RHOH: variants seen among roughly 807,000 people sequenced by gnomAD.
RHOH encodes ras homolog family member H.
In RHOH, 6 loss-of-function variants were observed where a neutral mutation model predicts 13.8. The ratio of observed to expected loss-of-function variants is 0.44; its 90% confidence interval spans 0.24 to 0.86. The LOEUF is 0.86. Ranked by LOEUF, RHOH falls within the 40% of genes least tolerant of loss-of-function variation. The probability of loss-of-function intolerance (pLI) is 0.24; values close to 1 mark genes in which losing one functional copy is unlikely to be tolerated. For synonymous variants in RHOH, 117 were observed against 103.0 expected (o/e 1.14, Z -0.82); for missense variants, 147 against 244.5 (o/e 0.60, Z 2.66).
Position 40,218,533 on chromosome 4 carries a change from G to A in RHOH, c.-331+21233G>A, listed in dbSNP as rs896601825. ...GCATGCCAAAAAATGCAGGGCCAAG[G>A]CTGGGGGTGGAGAGGTAAGGCTAGG... On this transcript the variant is annotated intron_variant, in intron 1 of 2. Coordinates refer to ENST00000381799, the MANE Select transcript of RHOH (RefSeq NM_004310.5). The surrounding 1 kb of genome is among the most constrained non-coding windows in gnomAD (Gnocchi z 4.1). 1.3e-5 allele frequency among the ~76,000 whole-genome samples: 2 copies of A among 152,184 alleles called. No homozygotes were observed. Among genetic ancestry groups the A allele is most frequent in the African/African-American group, 2.4e-5 (1 of 41,440 alleles).
At chr4:40,194,844 G>C, upstream of RHOH, among the ~76,000 whole-genome samples, 1 of 152,226 alleles carries the variant, frequency 6.6e-6, no homozygotes, top group East Asian at 1.9e-4. Flanking sequence ...AACAGCGTAA[G>C]GAACCACCTC....
intron 1 of RHOH, among the ~76,000 whole-genome samples, chr4:40,201,945 GTTTTT>G (rs1179441198): frequency 9.2e-6 from 1 of 109,036 alleles, no homozygotes; most frequent in African/African-American, 3.5e-5. Context: ...AACTCCATGA[GTTTTT>G]TTTTTTTTTT....
At chr4:40,226,423 G>A (rs975691288) in intron 1 of RHOH, among the ~76,000 whole-genome samples, 2 of 151,990 alleles carry the variant, frequency 1.3e-5, no homozygotes, top group Non-Finnish European at 2.9e-5. Flanking sequence ...CTACTTGGGA[G>A]GCTGAGGCAG....
At chr4:40,208,012 A>G (rs538910089) in intron 1 of RHOH, among the ~76,000 whole-genome samples, 28 of 150,746 alleles carry the variant, frequency 1.9e-4, no homozygotes, top group Middle Eastern at 3.4e-3. Flanking sequence ...AGATGGTACA[A>G]TTGTGTTAAA....
chr4:40,229,633 T>G (rs1727663372), intron 1 of RHOH, among the ~76,000 whole-genome samples: 1 of 111,626 alleles, frequency 9.0e-6, no homozygotes. Flanking sequence ...AAACGCCATC[T>G]CAAAAAAAAA....
chr4:40,191,698 G>A (rs1188317518), upstream of RHOH, among the ~76,000 whole-genome samples: 2 of 152,124 alleles, frequency 1.3e-5, no homozygotes, highest in African/African-American at 2.4e-5. Flanking sequence ...GGATGTGAAT[G>A]TTTGCTAGAT....
chr4:40,243,896 C>G lies in RHOH; in HGVS notation c.510C>G (p.Ala170=), dbSNP rs61731758. ...QQVFECAVRT[A]VNQARRRNRR... Reference sequence around the variant, plus strand: ...TGTTTGAGTGCGCCGTCCGAACTGCCGTCAACCAGGCCAGGAGACGAAACA... The same window carrying G: ...TGTTTGAGTGCGCCGTCCGAACTGCGGTCAACCAGGCCAGGAGACGAAACA... Residue 170 remains alanine, a synonymous_variant, in exon 3 of 3, where the codon GCC becomes GCG. Coordinates refer to ENST00000381799, the MANE Select transcript of RHOH (RefSeq NM_004310.5). This position sits in a 1 kb window ranked among gnomAD's most constrained non-coding sequence, Gnocchi z 6.2. 1,777 of 1,614,102 alleles carry G rather than the reference C, an allele frequency of 1.1e-3. 5 individuals are homozygous for G. The highest frequency in any genetic ancestry group is 3.8e-3 in the South Asian group (343 of 91,082).
At chr4:40,236,549 G>A (rs2109545263) in intron 1 of RHOH, among the ~76,000 whole-genome samples, 1 of 152,234 alleles carries the variant, frequency 6.6e-6, no homozygotes, top group East Asian at 1.9e-4. Context: ...CCAGCACTTT[G>A]GGAAGCTGAG....
intron 1 of RHOH, among the ~76,000 whole-genome samples, chr4:40,205,120 G>T (rs923392250): frequency 3.9e-5 from 6 of 152,192 alleles, no homozygotes; most frequent in African/African-American, 1.4e-4. Flanking sequence ...AAATTAGCTG[G>T]GCGTGGTGGC....
chr4:40,203,010 T>C (rs1001709606), intron 1 of RHOH, among the ~76,000 whole-genome samples: 33 of 152,260 alleles, frequency 2.2e-4, no homozygotes, highest in African/African-American at 7.5e-4. Context: ...CTCGCTCTGT[T>C]GCCCAGGCTG....
Position 40,226,842 on chromosome 4 carries a change from TTAAAAAG to T in RHOH, c.-330-15869_-330-15863del, listed in dbSNP as rs1174712976. 2.0e-5 allele frequency among the ~76,000 whole-genome samples: 3 copies of T among 152,110 alleles called. No homozygotes were observed. The East Asian group carries it at 5.8e-4, about 29-fold the overall frequency. ...AGTGGATGAGAAAGGGAACAGGTGT[TTAAAAAG>T]TATTTTTATATTAAAACTGGGAGCT... is the stretch of plus-strand genomic sequence containing the variant. On this transcript the variant is annotated intron_variant, in intron 1 of 2. Transcript: ENST00000381799.
At chr4:40,202,430 T>C (rs73808637) in intron 1 of RHOH, among the ~76,000 whole-genome samples, 9,038 of 152,206 alleles carry the variant, frequency 0.059, 565 homozygotes, top group African/African-American at 0.15. Flanking sequence ...AATGGTGAAA[T>C]AGTAGAATTT....
intron 1 of RHOH, among the ~76,000 whole-genome samples, chr4:40,213,148 A>G (rs538406006): frequency 6.6e-6 from 1 of 152,352 alleles, no homozygotes; most frequent in Non-Finnish European, 1.5e-5. Context: ...TCATTAAAAG[A>G]GGGAGAAGGG....
At chr4:40,199,558 T>G (rs1723692430) in intron 1 of RHOH, among the ~76,000 whole-genome samples, 1 of 152,208 alleles carries the variant, frequency 6.6e-6, no homozygotes, top group Non-Finnish European at 1.5e-5. Flanking sequence ...AGAGGTCCTC[T>G]CAGTATCCGC....
At chr4:40,199,183 TC>T (rs1203833959) in intron 1 of RHOH, among the ~76,000 whole-genome samples, 2 of 152,010 alleles carry the variant, frequency 1.3e-5, no homozygotes, top group East Asian at 3.9e-4. Context: ...GTCGTAGAGA[TC>T]AAATGAGATA....
chr4:40,241,303 G>A (rs975395159), intron 1 of RHOH, among the ~76,000 whole-genome samples: 1 of 152,192 alleles, frequency 6.6e-6, no homozygotes, highest in African/African-American at 2.4e-5. Context: ...AGATAGTAGT[G>A]AAATGGATAA....
intron 1 of RHOH, among the ~76,000 whole-genome samples, chr4:40,209,077 G>A (rs1211958606): frequency 2.0e-5 from 3 of 152,066 alleles, no homozygotes; most frequent in Non-Finnish European, 2.9e-5. Context: ...TTAACAGAAT[G>A]TCAGTTTTTG....
chr4:40,219,053 CA>C (rs1726215246), intron 1 of RHOH, among the ~76,000 whole-genome samples: 1 of 152,086 alleles, frequency 6.6e-6, no homozygotes, highest in African/African-American at 2.4e-5. Context: ...AAAAGATTTA[CA>C]ATCTATTACT....
chr4:40,195,932 T>A (rs1009401934), upstream of RHOH, among the ~76,000 whole-genome samples: 1 of 152,246 alleles, frequency 6.6e-6, no homozygotes, highest in African/African-American at 2.4e-5. Flanking sequence ...TGATTCCCTC[T>A]ACAACTATGC....
Sources: gnomAD v4.1 joint callset for allele counts (sites outside exome capture counted in the v4.1 genomes callset) on GRCh38, gnomAD v4.1.1 for gene constraint, Gnocchi (gnomAD v3.1) non-coding constraint, MANE v1.5 for transcripts, NCBI Gene and HGNC (gene_info 2026-07-23, HGNC 2026-07-21) for gene names.